Variants in TENM3 observed in about 807,000 individuals in gnomAD.
TENM3 encodes the protein teneurin-3.
A neutral mutation model predicts 255.1 loss-of-function variants in TENM3; 63 were observed. That is an observed-to-expected ratio of 0.25 (90% CI 0.20 to 0.30). The LOEUF is 0.30. Ranked by LOEUF, TENM3 falls within the 10% of genes least tolerant of loss-of-function variation. The probability of loss-of-function intolerance (pLI) is 1.00; values close to 1 mark genes in which losing one functional copy is unlikely to be tolerated. For synonymous variants in TENM3, 1,306 were observed against 1,322.3 expected (o/e 0.99, Z 0.27); for missense variants, 2,929 against 3,461.1 (o/e 0.85, Z 3.86).
chr4:182,033,826 A>C, the TENM3 span, among the ~76,000 whole-genome samples: 1 of 152,100 alleles, frequency 6.6e-6, no homozygotes, highest in Non-Finnish European at 1.5e-5. Flanking sequence ...TGTTGGTTTA[A>C]AGTCCGTTTT....
chr4:182,516,497 T>G (rs1737960898), intron 3 of TENM3, among the ~76,000 whole-genome samples: 1 of 152,188 alleles, frequency 6.6e-6, no homozygotes, highest in Non-Finnish European at 1.5e-5. Context: ...GGCCAAACAC[T>G]TTTTATTAGG....
At chr4:181,651,019 G>A in the TENM3 span, among the ~76,000 whole-genome samples, 27 of 152,188 alleles carry the variant, frequency 1.8e-4, no homozygotes, top group Middle Eastern at 3.4e-3. Context: ...TGATTTCTCC[G>A]GCCTTCTATC....
At chr4:182,352,180 G>A (rs1026001575) in intron 3 of TENM3, among the ~76,000 whole-genome samples, 2 of 151,028 alleles carry the variant, frequency 1.3e-5, no homozygotes, top group South Asian at 2.1e-4. Context: ...GAGAACTCAC[G>A]GTGTCTTCCA....
At chr4:181,967,451 AT>A in the TENM3 span, among the ~76,000 whole-genome samples, 1 of 151,986 alleles carries the variant, frequency 6.6e-6, no homozygotes, top group East Asian at 1.9e-4. Context: ...CCTCCTGTTA[AT>A]TTTTTTTGGA....
intron 2 of TENM3, 68 bp downstream of exon 2, chr4:182,324,320 C>T: frequency 1.7e-6 from 2 of 1,186,802 alleles, no homozygotes; most frequent in East Asian, 2.3e-5. Context: ...GTGATTTTCC[C>T]CTCAAGGTGA....
chr4:182,498,875 G>A (rs1453033843), intron 3 of TENM3, among the ~76,000 whole-genome samples: 2 of 151,692 alleles, frequency 1.3e-5, no homozygotes, highest in Admixed American at 6.6e-5. Context: ...AAAATTCTCA[G>A]CGTCTTATTA....
At chr4:181,647,016 A>G in the TENM3 span, among the ~76,000 whole-genome samples, 3 of 152,182 alleles carry the variant, frequency 2.0e-5, no homozygotes, top group Non-Finnish European at 4.4e-5. Flanking sequence ...ATCATGAGTA[A>G]AGCGCCCCAA....
At chr4:182,378,248 A>G (rs540996449) in intron 3 of TENM3, among the ~76,000 whole-genome samples, 29 of 152,232 alleles carry the variant, frequency 1.9e-4, no homozygotes, top group Non-Finnish European at 4.3e-4. Context: ...GAGCATCTGC[A>G]TGTGCTGTTG....
At chr4:182,740,245 G>A (rs146009872) in intron 18 of TENM3, among the ~76,000 whole-genome samples, 3 of 152,184 alleles carry the variant, frequency 2.0e-5, no homozygotes. Context: ...AAACAGAGCG[G>A]ATAACTAGTG....
intron 24 of TENM3, among the ~76,000 whole-genome samples, chr4:182,781,334 G>C (rs1289265317): frequency 6.8e-6 from 1 of 146,860 alleles, no homozygotes; most frequent in Non-Finnish European, 1.5e-5. Context: ...TTTGTCTTTG[G>C]CTCTGTTTAT....
the TENM3 span, among the ~76,000 whole-genome samples, chr4:181,675,554 A>T: frequency 6.6e-6 from 1 of 152,128 alleles, no homozygotes; most frequent in African/African-American, 2.4e-5. Context: ...TCTTCTTAAC[A>T]TATGTGCCTT....
chr4:182,479,495 C>T (rs983233528), intron 3 of TENM3, among the ~76,000 whole-genome samples: 2 of 151,852 alleles, frequency 1.3e-5, no homozygotes, highest in Non-Finnish European at 2.9e-5. Flanking sequence ...GAAAGTGTAG[C>T]ATCTTGTTAA....
intron 3 of TENM3, among the ~76,000 whole-genome samples, chr4:182,407,484 T>C (rs1769662345): frequency 6.6e-6 from 1 of 152,196 alleles, no homozygotes; most frequent in Non-Finnish European, 1.5e-5. Context: ...TTAAATAATG[T>C]CATTCTAACA....
the TENM3 span, among the ~76,000 whole-genome samples, chr4:181,511,513 G>C: frequency 1.3e-5 from 2 of 152,136 alleles, no homozygotes; most frequent in South Asian, 4.1e-4. Flanking sequence ...AGAGACATTT[G>C]TTTGGGTTCA....
At chr4:182,239,877 A>G (rs1030352322), upstream of TENM3, among the ~76,000 whole-genome samples, 6 of 152,362 alleles carry the variant, frequency 3.9e-5, no homozygotes, top group East Asian at 1.9e-4. Context: ...TGCTATTTTC[A>G]AAGTGTAAAA....
the TENM3 span, among the ~76,000 whole-genome samples, chr4:181,506,283 T>C: frequency 2.0e-5 from 3 of 152,074 alleles, no homozygotes; most frequent in Non-Finnish European, 4.4e-5. Context: ...TTCTCACAAA[T>C]CATTCTTATT....
the TENM3 span, among the ~76,000 whole-genome samples, chr4:181,612,973 T>G: frequency 2.0e-5 from 3 of 152,192 alleles, no homozygotes; most frequent in Non-Finnish European, 2.9e-5. Flanking sequence ...GTAGTACCTT[T>G]TTAATAGGTC....
At chr4:181,599,351 G>A in the TENM3 span, among the ~76,000 whole-genome samples, 5 of 152,246 alleles carry the variant, frequency 3.3e-5, no homozygotes, top group East Asian at 9.6e-4. Flanking sequence ...TTAAAAAACG[G>A]AACAAAAGCA....
intron 20 of TENM3, among the ~76,000 whole-genome samples, chr4:182,752,659 A>G (rs1388829905): frequency 6.6e-6 from 1 of 152,168 alleles, no homozygotes; most frequent in Non-Finnish European, 1.5e-5. Context: ...GCTGACTATT[A>G]TGTGAACAAG....
Sources: gnomAD v4.1 joint callset for allele counts (sites outside exome capture counted in the v4.1 genomes callset) on GRCh38, gnomAD v4.1.1 for gene constraint, MANE v1.5 for transcripts, NCBI Gene and HGNC (gene_info 2026-07-23, HGNC 2026-07-21) for gene names.